The following STRIP2 variants were observed in gnomAD, a reference collection of about 807,000 sequenced individuals.
The protein encoded by STRIP2 is striatin interacting protein 2, also known as striatin-interacting protein 2.
STRIP2 carries 84 observed loss-of-function variants against 107.1 expected under a neutral mutation model. That is an observed-to-expected ratio of 0.78 (90% CI 0.66 to 0.94). The LOEUF (loss-of-function observed/expected upper bound fraction) is 0.94. STRIP2 is among the 40% of genes least tolerant of loss of function. The pLI is 0.00. For missense variants in STRIP2, 888 were observed against 1,034.2 expected, an observed-to-expected ratio of 0.86 and a Z score of 1.94; for synonymous variants, 394 against 400.4, an observed-to-expected ratio of 0.98 and a Z score of 0.19.
Position 129,454,416 on chromosome 7 carries a change from C to A in STRIP2, c.600-5C>A. 1 of 1,610,222 alleles carries A rather than the reference C, an allele frequency of 6.2e-7. No individual in the cohort carries two copies. The highest frequency in any genetic ancestry group is 8.5e-7 in the Non-Finnish European group (1 of 1,176,604). ...GAACCTCTTGTGACTCTTCTGTAAC[C>A]CCAGGGTGCTGCTGAGTGTTATGTA... On this transcript the variant is annotated splice_region_variant and splice_polypyrimidine_tract_variant and intron_variant, in intron 6 of 20. Coordinates refer to ENST00000249344, the MANE Select transcript of STRIP2 (RefSeq NM_020704.3).
intron 1 of STRIP2, 114 bp downstream of exon 1, chr7:129,434,715 C>A: frequency 8.1e-7 from 1 of 1,235,858 alleles, no homozygotes; most frequent in Non-Finnish European, 1.1e-6. Flanking sequence ...ATCAGCCCCG[C>A]GCAGTGGGCG....
At chr7:129,441,725 C>CCCAGCTAATTTTGTGCCACCATGT (rs1412823581) in intron 2 of STRIP2, among the ~76,000 whole-genome samples, 1 of 152,134 alleles carries the variant, frequency 6.6e-6, no homozygotes, top group Non-Finnish European at 1.5e-5. Context: ...CCCTACCATG[C>CCCAGCTAATTTTGTGCCACCATGT]CCAGCTAATT....
rs1414533981 is a variant in STRIP2, at chr7:129,461,036, A to G, written c.1476+664A>G. ...TGTGTAAAGATTGGACCAGAAAAGCATAGACGCACTCTACGGAGATTAGTT... is the reference window on the plus strand; with the variant it reads ...TGTGTAAAGATTGGACCAGAAAAGCGTAGACGCACTCTACGGAGATTAGTT... On this transcript the variant is annotated intron_variant, in intron 13 of 20. Coordinates refer to ENST00000249344, the MANE Select transcript of STRIP2 (RefSeq NM_020704.3). This position sits in a 1 kb window ranked among gnomAD's most constrained non-coding sequence, Gnocchi z 4.0. Among the ~76,000 whole-genome samples, 7 of 152,270 alleles carry G rather than the reference A, an allele frequency of 4.6e-5. No homozygotes were observed. Among genetic ancestry groups the G allele is most frequent in the Non-Finnish European group, 1.0e-4 (7 of 68,052 alleles).
In STRIP2 at chr7:129,486,695, T is replaced by C. The variant is rs1257064921; in HGVS notation, c.*866T>C. On this transcript the variant is annotated 3_prime_UTR_variant, in exon 21 of 21. Transcript: ENST00000249344. ...GGAGGCTTTATTTATTCAGATGGTATGTCCACTTGTGGTCGTGATCAATAT... is the reference window on the plus strand; with the variant it reads ...GGAGGCTTTATTTATTCAGATGGTACGTCCACTTGTGGTCGTGATCAATAT... The C allele has an allele frequency of 2.0e-5, 3 of 152,228 alleles. No homozygotes were observed. Among genetic ancestry groups the C allele is most frequent in the Non-Finnish European group, 2.9e-5 (2 of 68,036 alleles). 9.4% of individuals were successfully genotyped at this position (152,228 alleles called of 1,614,324 possible).
chr7:129,467,574 T>C lies in STRIP2; in HGVS notation c.1877+124T>C, dbSNP rs142026658. ...CCCTCCTGTCTTAGAGCTGTCACTG[T>C]TAAATTTAATTTCCTTGAAGTGTTA... On this transcript the variant is annotated intron_variant, in intron 17 of 20. Transcript: ENST00000249344. 8.5e-5 allele frequency: 48 copies of C among 567,526 alleles called. No homozygotes were observed. The East Asian group carries it at 1.3e-3, about 16-fold the overall frequency. The allele number at this position is 567,526 out of a possible 1,614,324, so 35.2% of individuals were successfully genotyped here.
intron 6 of STRIP2, 62 bp from the exon 7 acceptor site, chr7:129,454,359 G>A (rs1345772931): frequency 2.0e-6 from 3 of 1,482,520 alleles, no homozygotes; most frequent in African/African-American, 2.8e-5. Context: ...CCATCTCTGA[G>A]GTCTGTGACT....
chr7:129,442,181 C>T (rs550787459), intron 2 of STRIP2, among the ~76,000 whole-genome samples: 5 of 152,160 alleles, frequency 3.3e-5, no homozygotes, highest in Admixed American at 1.3e-4. Flanking sequence ...GCCAAGATCA[C>T]GCCACTGCAC....
chr7:129,435,139 G>A (rs1472527799), intron 1 of STRIP2, among the ~76,000 whole-genome samples: 1 of 152,322 alleles, frequency 6.6e-6, no homozygotes, highest in African/African-American at 2.4e-5. Flanking sequence ...GGCCGTTTCG[G>A]GAGCGCCTTC....
At position 129,488,386 on chromosome 7, in the gene STRIP2, G is replaced by C. The variant is rs1306663044; in HGVS notation, c.*2557G>C. 2 of 152,584 alleles carry C rather than the reference G, an allele frequency of 1.3e-5. No homozygotes were observed. The highest frequency in any genetic ancestry group is 2.9e-5 in the Non-Finnish European group (2 of 68,046). The allele number at this position is 152,584 out of a possible 1,614,324, so 9.5% of individuals were successfully genotyped here. A position where few individuals can be genotyped will look rare whatever the true frequency, so the allele number is the denominator to read the frequency against. On this transcript the variant is annotated 3_prime_UTR_variant, in exon 21 of 21. Transcript: ENST00000249344. ...AAGCACTTTAATAAAAATAAAATGA[G>C]CTGGAATTAGAAATTTGGTGTTTAA...
In STRIP2 at chr7:129,456,658, G is replaced by C; in HGVS notation, c.1038+16G>C. 1 of 1,610,276 alleles carries C rather than the reference G, an allele frequency of 6.2e-7. No individual in the cohort carries two copies. The highest frequency in any genetic ancestry group is 2.2e-5 in the East Asian group (1 of 44,808). On this transcript the variant is annotated intron_variant, in intron 9 of 20. Transcript: ENST00000249344. ...CTCTCGAAGGGTATGGACTGAAGCAGACAATGGTATTGGGACACCGACTGG... is the reference window on the plus strand; with the variant it reads ...CTCTCGAAGGGTATGGACTGAAGCACACAATGGTATTGGGACACCGACTGG...
chr7:129,471,316 C>G (rs1388704052), intron 18 of STRIP2, among the ~76,000 whole-genome samples: 1 of 152,142 alleles, frequency 6.6e-6, no homozygotes, highest in Non-Finnish European at 1.5e-5. Context: ...GTATCTACCT[C>G]ATCATGTATT....
At chr7:129,465,312 A>G (rs1166877421) in intron 16 of STRIP2, among the ~76,000 whole-genome samples, 1 of 152,164 alleles carries the variant, frequency 6.6e-6, no homozygotes, top group African/African-American at 2.4e-5. Flanking sequence ...AAAAAAACAG[A>G]TGTTAGCCAG....
intron 18 of STRIP2, among the ~76,000 whole-genome samples, chr7:129,473,802 C>T (rs904449693): frequency 9.2e-5 from 14 of 152,132 alleles, no homozygotes; most frequent in African/African-American, 1.9e-4. Context: ...ACTGCAACCT[C>T]TGCCTCCCGG....
chr7:129,444,935 T>C (rs1346903818), intron 3 of STRIP2, among the ~76,000 whole-genome samples: 4 of 152,172 alleles, frequency 2.6e-5, no homozygotes, highest in Admixed American at 2.6e-4. Flanking sequence ...CAAACATGTT[T>C]TTAACAAAAG....
chr7:129,434,621 T>A lies in STRIP2; in HGVS notation c.129+20T>A. Reference sequence around the variant, plus strand: ...TCAGAGGTGAGGAGCCCGGAAAGCTTCGGCTGGGGCCCGGAGACGCCCGCC... The same window carrying A: ...TCAGAGGTGAGGAGCCCGGAAAGCTACGGCTGGGGCCCGGAGACGCCCGCC... On this transcript the variant is annotated intron_variant, in intron 1 of 20. Coordinates refer to ENST00000249344, the MANE Select transcript of STRIP2 (RefSeq NM_020704.3). The A allele has an allele frequency of 6.8e-7, 1 of 1,469,080 alleles. No homozygotes were observed. Among genetic ancestry groups the A allele is most frequent in the Non-Finnish European group, 9.0e-7 (1 of 1,112,156 alleles). 91.0% of individuals were successfully genotyped at this position (1,469,080 alleles called of 1,614,324 possible).
chr7:129,435,360 G>T (rs959176388), intron 1 of STRIP2, among the ~76,000 whole-genome samples: 1 of 152,242 alleles, frequency 6.6e-6, no homozygotes, highest in Non-Finnish European at 1.5e-5. Flanking sequence ...CATTGAGGCA[G>T]TTCCCATCAG....
intron 19 of STRIP2, among the ~76,000 whole-genome samples, chr7:129,482,582 T>C (rs542823983): frequency 6.6e-6 from 1 of 152,042 alleles, no homozygotes; most frequent in African/African-American, 2.4e-5. Context: ...TTCATCATGT[T>C]GGCCAGGGTG....
At chr7:129,452,055 G>C (rs1250841814) in intron 4 of STRIP2, among the ~76,000 whole-genome samples, 3 of 152,166 alleles carry the variant, frequency 2.0e-5, no homozygotes, top group Non-Finnish European at 4.4e-5. Context: ...GGCCAGAGCT[G>C]ATATGTACCA....
intron 2 of STRIP2, among the ~76,000 whole-genome samples, chr7:129,440,502 T>C (rs535953183): frequency 6.6e-6 from 1 of 152,310 alleles, no homozygotes; most frequent in Non-Finnish European, 1.5e-5. Flanking sequence ...CTTTTTCCTT[T>C]GTCTCCTCTA....
Sources: gnomAD v4.1 joint callset for allele counts (sites outside exome capture counted in the v4.1 genomes callset) on GRCh38, gnomAD v4.1.1 for gene constraint, Gnocchi (gnomAD v3.1) non-coding constraint, MANE v1.5 for transcripts, NCBI Gene and HGNC (gene_info 2026-07-23, HGNC 2026-07-21) for gene names.